Variants in PPP2R1B observed in about 807,000 individuals in gnomAD.
The protein encoded by PPP2R1B is serine/threonine-protein phosphatase 2A 65 kDa regulatory subunit A beta isoform.
PPP2R1B carries 58 observed loss-of-function variants against 72.7 expected under a neutral mutation model. The ratio of observed to expected loss-of-function variants is 0.80; its 90% CI spans 0.65 to 0.99. PPP2R1B has a LOEUF of 0.99. Among genes scored for constraint, PPP2R1B ranks in the 50% least tolerant of loss-of-function variants. The pLI is 0.00. For synonymous variants in PPP2R1B, 256 were observed against 264.6 expected, an observed-to-expected ratio of 0.97 and a Z score of 0.32; for missense variants, 695 against 733.6, an observed-to-expected ratio of 0.95 and a Z score of 0.61.
At chr11:111,688,785 G>C in the PPP2R1B span, among the ~76,000 whole-genome samples, 1 of 151,940 alleles carries the variant, frequency 6.6e-6, no homozygotes, top group Non-Finnish European at 1.5e-5. This position sits in a 1 kb window ranked among gnomAD's most constrained non-coding sequence, Gnocchi z 4.2. Context: ...ATATGTATCA[G>C]GTACTGTGCT....
chr11:111,705,677 G>C, the PPP2R1B span, among the ~76,000 whole-genome samples: 1 of 152,158 alleles, frequency 6.6e-6, no homozygotes, highest in Non-Finnish European at 1.5e-5. The surrounding 1 kb of genome is among the most constrained non-coding windows in gnomAD (Gnocchi z 4.3). Context: ...GTGGTGAGTT[G>C]AAGCATTATT....
the PPP2R1B span, among the ~76,000 whole-genome samples, chr11:111,705,901 G>A: frequency 2.6e-5 from 4 of 152,140 alleles, no homozygotes; most frequent in Non-Finnish European, 4.4e-5. The surrounding 1 kb of genome is among the most constrained non-coding windows in gnomAD (Gnocchi z 4.3). Context: ...GAGAAATACC[G>A]AAGGCTTAAA....
the PPP2R1B span, chr11:111,720,419 C>T: frequency 3.4e-6 from 5 of 1,491,846 alleles, no homozygotes; most frequent in East Asian, 4.5e-5. Context: ...TGCTTTGTAC[C>T]CTATGTTCCA....
intron 13 of PPP2R1B, 102 bp downstream of exon 13, chr11:111,742,417 TTAAG>T: frequency 7.8e-7 from 1 of 1,287,242 alleles, no homozygotes; most frequent in Non-Finnish European, 1.1e-6. Context: ...AACCCAGATC[TTAAG>T]TAAAGTGAAA....
chr11:111,724,318 A>G (rs1943901671), downstream of PPP2R1B: 4 of 805,614 alleles, frequency 5.0e-6, no homozygotes, highest in Admixed American at 6.0e-5. Flanking sequence ...CCCACCACAA[A>G]GTTTTCTGTG....
intron 11 of PPP2R1B, among the ~76,000 whole-genome samples, chr11:111,743,958 G>A (rs533918916): frequency 3.7e-4 from 57 of 152,212 alleles, no homozygotes; most frequent in Non-Finnish European, 7.5e-4. Context: ...GAGTGAACAG[G>A]GAAGGTCTAG....
chr11:111,754,945 T>TGACA, intron 7 of PPP2R1B, 35 bp downstream of exon 7: 1 of 1,513,012 alleles, frequency 6.6e-7, no homozygotes. Context: ...CCAAAATGAA[T>TGACA]GACACATGTT....
At chr11:111,750,832 GTTT>G (rs1191874216) in intron 10 of PPP2R1B, among the ~76,000 whole-genome samples, 1 of 140,390 alleles carries the variant, frequency 7.1e-6, no homozygotes. Flanking sequence ...TTCAGTTTTT[GTTT>G]TTGTTTTGTT....
downstream of PPP2R1B, among the ~76,000 whole-genome samples, chr11:111,733,811 G>A (rs1233246036): frequency 6.6e-6 from 1 of 152,318 alleles, no homozygotes; most frequent in Middle Eastern, 3.4e-3. Context: ...GGGCTGAAGG[G>A]CAGGCAGGCA....
At position 111,755,328 on chromosome 11, in the gene PPP2R1B, G is replaced by C; in HGVS notation, c.810C>G (p.Arg270=). 6.2e-7 allele frequency: 1 copy of C among 1,611,630 alleles called. No individual in the cohort carries two copies. Among genetic ancestry groups the C allele is most frequent in the Non-Finnish European group, 8.5e-7 (1 of 1,179,476 alleles). Residue 270 remains arginine (R), a synonymous_variant, in exon 6 of 15, where the codon CGC becomes CGG. Transcript: ENST00000527614. The stretch of plus-strand genomic sequence containing the variant: ...ATCTGTCAGCCACCATATAGCGAAC[G>C]CGCCAAGATTTATCTTCTGCTGCTT... The part of the protein sequence containing the change: ...LRQAAEDKSW[R]VRYMVADRFS...
the PPP2R1B span, among the ~76,000 whole-genome samples, chr11:111,708,469 T>C: frequency 3.3e-5 from 5 of 152,232 alleles, no homozygotes; most frequent in African/African-American, 1.2e-4. Context: ...TTTGGAGTGC[T>C]TATGTTTGCT....
chr11:111,702,526 A>G, the PPP2R1B span, among the ~76,000 whole-genome samples: 4 of 152,300 alleles, frequency 2.6e-5, no homozygotes, highest in African/African-American at 4.8e-5. Context: ...CTGTGATTGC[A>G]TTACTGCACT....
intron 11 of PPP2R1B, among the ~76,000 whole-genome samples, 178 bp downstream of exon 11, chr11:111,747,776 C>T (rs551146818): frequency 6.6e-6 from 1 of 152,100 alleles, no homozygotes; most frequent in South Asian, 2.1e-4. Context: ...ATCGAAGATA[C>T]AAAAAATTGG....
chr11:111,734,457 GAA>G (rs1565419973), downstream of PPP2R1B, among the ~76,000 whole-genome samples: 1 of 152,234 alleles, frequency 6.6e-6, no homozygotes, highest in Non-Finnish European at 1.5e-5. Context: ...CTCCAGTGTG[GAA>G]AAGACTTGGA....
the PPP2R1B span, among the ~76,000 whole-genome samples, chr11:111,689,186 GA>G: frequency 2.6e-5 from 4 of 152,246 alleles, no homozygotes; most frequent in African/African-American, 9.6e-5. Flanking sequence ...GATACAGGGG[GA>G]GCAGATAAGT....
At chr11:111,721,131 C>A in the PPP2R1B span, 7 of 1,507,710 alleles carry the variant, frequency 4.6e-6, no homozygotes, top group African/African-American at 9.8e-5. Flanking sequence ...TGAAGATGGT[C>A]ATTTTCACTT....
intron 15 of PPP2R1B, among the ~76,000 whole-genome samples, chr11:111,732,212 G>C (rs1944215472): frequency 6.6e-6 from 1 of 152,224 alleles, no homozygotes; most frequent in Non-Finnish European, 1.5e-5. Context: ...TGCCCCACTA[G>C]ATCTTAAATC....
chr11:111,730,386 A>G (rs1944147216), intron 15 of PPP2R1B: 1 of 152,202 alleles, frequency 6.6e-6, no homozygotes, highest in Non-Finnish European at 1.5e-5. Context: ...AAAATCTCTG[A>G]AGGGGAAAGA....
At chr11:111,688,498 G>C in the PPP2R1B span, among the ~76,000 whole-genome samples, 1 of 152,166 alleles carries the variant, frequency 6.6e-6, no homozygotes, top group Non-Finnish European at 1.5e-5. This position sits in a 1 kb window ranked among gnomAD's most constrained non-coding sequence, Gnocchi z 4.2. Context: ...GCTGGTTGCT[G>C]GTACTCTGGC....
Sources: allele counts gnomAD v4.1 joint callset (sites outside exome capture counted in the v4.1 genomes callset), GRCh38; gene constraint gnomAD v4.1.1; non-coding constraint Gnocchi (gnomAD v3.1); transcripts MANE v1.5; gene names NCBI Gene and HGNC (gene_info 2026-07-23, HGNC 2026-07-21).